The following FAM193A variants were observed in gnomAD, a reference collection of about 807,000 sequenced individuals.
FAM193A encodes the protein family with sequence similarity 193 member A.
A neutral mutation model predicts 126.5 loss-of-function variants in FAM193A; 22 were observed. The observed-to-expected ratio is 0.17, with a 90% confidence interval of 0.12 to 0.25. The LOEUF is 0.25. FAM193A is among the 10% of genes least tolerant of loss of function. FAM193A has a pLI of 1.00. For missense variants in FAM193A, 1,675 were observed against 1,672.8 expected (o/e 1.00, Z -0.02); for synonymous variants, 761 against 646.8 (o/e 1.18, Z -2.68).
intron 5 of FAM193A, among the ~76,000 whole-genome samples, chr4:2,631,872 G>T (rs1452983220): frequency 6.6e-6 from 1 of 152,218 alleles, no homozygotes; most frequent in Admixed American, 6.5e-5. Context: ...CCACGCTTTG[G>T]AAGGAGACCA....
intron 1 of FAM193A, among the ~76,000 whole-genome samples, chr4:2,582,782 T>A (rs971513778): frequency 2.4e-4 from 36 of 152,070 alleles, no homozygotes; most frequent in African/African-American, 8.2e-4. Flanking sequence ...ATGAGGAGTG[T>A]TTTACCATGG....
intron 7 of FAM193A, among the ~76,000 whole-genome samples, chr4:2,651,367 C>A (rs895901647): frequency 1.3e-5 from 2 of 152,074 alleles, no homozygotes; most frequent in African/African-American, 4.8e-5. Flanking sequence ...CTACCTGATT[C>A]TGGGTAATTT....
intron 7 of FAM193A, among the ~76,000 whole-genome samples, chr4:2,657,579 A>G (rs1382270169): frequency 6.6e-6 from 1 of 152,182 alleles, no homozygotes; most frequent in Non-Finnish European, 1.5e-5. Flanking sequence ...TTTACTGTTT[A>G]TTCATCTCTG....
At chr4:2,636,633 A>G (rs527781505) in intron 5 of FAM193A, among the ~76,000 whole-genome samples, 9 of 152,256 alleles carry the variant, frequency 5.9e-5, no homozygotes, top group Non-Finnish European at 1.2e-4. Context: ...TTTTATTAAT[A>G]TAAAAAATGA....
chr4:2,698,889 C>A (rs987027110), intron 18 of FAM193A, among the ~76,000 whole-genome samples: 1 of 152,166 alleles, frequency 6.6e-6, no homozygotes, highest in Non-Finnish European at 1.5e-5. Context: ...AAATATATGG[C>A]ACTTCTGTTT....
intron 20 of FAM193A, among the ~76,000 whole-genome samples, chr4:2,717,210 C>CT (rs1367365413): frequency 1.3e-5 from 2 of 152,248 alleles, no homozygotes; most frequent in Middle Eastern, 3.4e-3. Context: ...AAACTCTTGA[C>CT]TTTAAGTGAT....
intron 19 of FAM193A, among the ~76,000 whole-genome samples, chr4:2,712,680 T>C (rs1719107625): frequency 6.6e-6 from 1 of 152,234 alleles, no homozygotes; most frequent in South Asian, 2.1e-4. Context: ...CATTCACACT[T>C]AGTGATATAA....
intron 1 of FAM193A, among the ~76,000 whole-genome samples, chr4:2,556,120 G>A (rs114032920): frequency 0.023 from 3,534 of 151,010 alleles, 88 homozygotes; most frequent in African/African-American, 0.062. Context: ...GGTCTTGAAC[G>A]CCTGATCTCA....
At chr4:2,600,485 C>T (rs541523279) in intron 2 of FAM193A, among the ~76,000 whole-genome samples, 6 of 152,254 alleles carry the variant, frequency 3.9e-5, no homozygotes, top group African/African-American at 9.6e-5. Flanking sequence ...GCATCTAGTG[C>T]GTTTTTCTGG....
chr4:2,719,345 CA>C (rs1012975188), intron 20 of FAM193A, among the ~76,000 whole-genome samples: 1 of 151,444 alleles, frequency 6.6e-6, no homozygotes, highest in African/African-American at 2.4e-5. Flanking sequence ...GTGTAATTTT[CA>C]AAAAAAAGAA....
chr4:2,596,164 G>T lies in FAM193A; in HGVS notation c.336G>T (p.Arg112=), dbSNP rs745705542. The T allele has an allele frequency of 2.7e-5, 19 of 702,860 alleles. No homozygotes were observed. The highest frequency in any genetic ancestry group is 1.8e-4 in the South Asian group (12 of 67,602). The allele number at this position is 702,860 out of a possible 1,614,324, so 43.5% of individuals were successfully genotyped here. The change falls in exon 2 of 21, where the codon CGG becomes CGT. Residue 112 remains arginine, a synonymous_variant. Coordinates refer to ENST00000637812, the MANE Select transcript of FAM193A (RefSeq NM_001366318.2). ...GDYCLLCRSE[R]KDSSFLESGI... is the part of the protein sequence containing the mutation. ...ATTGTCTTCTGTGCAGAAGTGAACG[G>T]AAAGACTCATCATTCTTAGAGAGTG...
chr4:2,556,554 C>T (rs113829914), intron 1 of FAM193A, among the ~76,000 whole-genome samples: 19 of 152,306 alleles, frequency 1.2e-4, no homozygotes, highest in African/African-American at 4.3e-4. Flanking sequence ...TGGTAGTGTG[C>T]ACCCACAGTT....
intron 5 of FAM193A, among the ~76,000 whole-genome samples, chr4:2,634,896 G>A (rs1743938900): frequency 6.6e-6 from 1 of 152,168 alleles, no homozygotes; most frequent in Non-Finnish European, 1.5e-5. Flanking sequence ...ATGAATCTAT[G>A]TACTCCTTAC....
rs1163392192 is a variant in FAM193A, at chr4:2,536,647, A to C, written c.-269A>C. 9.4e-6 allele frequency: 1 copy of C among 106,654 alleles called. No homozygotes were observed. The highest frequency in any genetic ancestry group is 3.6e-5 in the African/African-American group (1 of 27,456). The allele number at this position is 106,654 out of a possible 1,614,324, so 6.6% of individuals were successfully genotyped here. On this transcript the variant is annotated 5_prime_UTR_variant, in exon 1 of 21. Coordinates refer to ENST00000637812, the MANE Select transcript of FAM193A (RefSeq NM_001366318.2). ...TCCCCCTCCCCCGACGTAAACTGGG[A>C]TCCCTTTCCCCTTGTGTCCGCCATA...
intron 12 of FAM193A, among the ~76,000 whole-genome samples, chr4:2,671,704 G>C (rs965690048): frequency 6.6e-6 from 1 of 152,188 alleles, no homozygotes. Flanking sequence ...CACCGTAACC[G>C]GAAGTCGCGT....
chr4:2,690,816 G>C lies in FAM193A; in HGVS notation c.2649G>C (p.Lys883Asn). ...AAGAGAAAAAGAATGCTGCAAAAAA[G>C]AAATGTTTATACAATTTCCAAGATG... ...DSKEKKNAAK[K>N]KCLYNFQDAF... is the part of the protein sequence containing the mutation. Residue 883 changes from lysine (K) to asparagine (N), a missense_variant, in exon 15 of 21, where the codon AAG becomes AAC. Around this residue, in one of 4 missense-constraint regions of FAM193A, gnomAD observed 1,186 missense variants for 1,109.2 expected, o/e 1.07. Transcript: ENST00000637812. The C allele has an allele frequency of 9.3e-6, 15 of 1,614,130 alleles. No homozygotes were observed. The highest frequency in any genetic ancestry group is 1.3e-5 in the Non-Finnish European group (15 of 1,180,030).
chr4:2,700,384 C>T lies in FAM193A; in HGVS notation c.4212C>T (p.Asn1404=), dbSNP rs1389435788. ...NSNNNNKKQL[N]HIKDEKSNPT... Reference sequence around the variant, plus strand: ...ATAACAATAACAAAAAGCAGCTGAACCACATCAAGGACGAAAAGTCAAACC... The same window carrying T: ...ATAACAATAACAAAAAGCAGCTGAATCACATCAAGGACGAAAAGTCAAACC... Residue 1404 remains asparagine, a synonymous_variant, in exon 19 of 21, where the codon AAC becomes AAT. Coordinates refer to ENST00000637812, the MANE Select transcript of FAM193A (RefSeq NM_001366318.2). 6.2e-7 allele frequency: 1 copy of T among 1,614,008 alleles called. No individual in the cohort carries two copies. Among genetic ancestry groups the T allele is most frequent in the Non-Finnish European group, 8.5e-7 (1 of 1,180,020 alleles).
At chr4:2,686,392 G>A (rs980539347) in intron 13 of FAM193A, among the ~76,000 whole-genome samples, 1 of 152,138 alleles carries the variant, frequency 6.6e-6, no homozygotes, top group Non-Finnish European at 1.5e-5. Context: ...CTAGACTCTA[G>A]GAAGACAAAA....
At chr4:2,610,527 T>A (rs776444008) in intron 2 of FAM193A, among the ~76,000 whole-genome samples, 16 of 152,242 alleles carry the variant, frequency 1.1e-4, no homozygotes, top group Non-Finnish European at 2.4e-4. Context: ...AAAGATAAGC[T>A]GAGTGGTGAT....
Sources: gnomAD v4.1 joint callset for allele counts (sites outside exome capture counted in the v4.1 genomes callset) on GRCh38, gnomAD v4.1.1 for gene constraint, gnomAD v4.1.1 regional missense constraint, MANE v1.5 for transcripts, NCBI Gene and HGNC (gene_info 2026-07-23, HGNC 2026-07-21) for gene names.